The following HYAL3 variants were observed in gnomAD, a reference collection of about 807,000 sequenced individuals.
HYAL3 encodes the protein hyaluronidase 3.
In HYAL3, 25 loss-of-function variants were observed where a neutral mutation model predicts 29.6. The observed-to-expected ratio is 0.85, with a 90% confidence interval of 0.62 to 1.18. The LOEUF (loss-of-function observed/expected upper bound fraction) is 1.18. HYAL3 is among the 50% of genes most tolerant of loss of function. HYAL3 has a pLI of 0.00. For synonymous variants in HYAL3, 215 were observed against 218.3 expected (o/e 0.99, Z 0.13); for missense variants, 442 against 548.4 (o/e 0.81, Z 1.94).
Position 50,295,582 on chromosome 3 carries a change from T to C in HYAL3, c.21A>G (p.Pro7=), listed in dbSNP as rs1553710991. 1.3e-6 allele frequency: 2 copies of C among 1,552,424 alleles called. No homozygotes were observed. The highest frequency in any genetic ancestry group is 1.9e-5 in the Admixed American group (1 of 53,278). The stretch of plus-strand genomic sequence containing the variant: ...ACAGGGCCACCCCCAGCACCAGGGC[T>C]GGGCCCAGTTGCGTGGTCATTCCCC... MTTQLG[P]ALVLGVALCL... Residue 7 remains proline, a synonymous_variant, in exon 2 of 4, where the codon CCA becomes CCG. Transcript: ENST00000336307.
chr3:50,293,437 C>CCAT lies in HYAL3; in HGVS notation c.1060_1062dup (p.Met354dup), dbSNP rs1559805811. 1 of 1,613,734 alleles carries CCAT rather than the reference C, an allele frequency of 6.2e-7. No individual in the cohort carries two copies. Among genetic ancestry groups the CCAT allele is most frequent in the Non-Finnish European group, 8.5e-7 (1 of 1,180,026 alleles). On this transcript the variant is annotated inframe_insertion, in exon 4 of 4. Transcript: ENST00000336307. Reference sequence around the variant, plus strand: ...CCATGGCACCGCTGGTGACTGCAGGCCATCGCTGCCCTGGTCACATTGATC... The same window carrying CCAT: ...CCATGGCACCGCTGGTGACTGCAGGCCATCATCGCTGCCCTGGTCACATTGATC...
chr3:50,298,270 G>A (rs1553711730), intron 1 of HYAL3, among the ~76,000 whole-genome samples: 1 of 152,068 alleles, frequency 6.6e-6, no homozygotes, highest in East Asian at 1.9e-4. Context: ...AGTGGATCCT[G>A]GGGCCCCACT....
Position 50,295,113 on chromosome 3 carries a change from C to T in HYAL3, c.490G>A (p.Glu164Lys). Residue 164 changes from glutamate to lysine, a missense_variant, in exon 2 of 4, where the codon GAG (glutamate) becomes AAG (lysine). Physicochemically the swap from Glu to Lys is moderately conservative, Grantham distance 56 (BLOSUM62 1). Coordinates refer to ENST00000336307, the MANE Select transcript of HYAL3 (RefSeq NM_003549.4). ...QQVFPDLDPQ[E>K]QLYKAYTGFE... ...CCAGTATAGGCCTTGTAGAGCTGCT[C>T]CTGAGGGTCCAGGTCAGGGAATACC... 1 of 1,613,634 alleles carries T rather than the reference C, an allele frequency of 6.2e-7. No individual in the cohort carries two copies. Among genetic ancestry groups the T allele is most frequent in the Non-Finnish European group, 8.5e-7 (1 of 1,180,018 alleles).
At chr3:50,296,700 G>A (rs1559809786) in intron 1 of HYAL3, 1 of 1,613,802 alleles carries the variant, frequency 6.2e-7, no homozygotes, top group Non-Finnish European at 8.5e-7. Flanking sequence ...TGGAACTGGG[G>A]GTGAGATGGT....
Position 50,293,013 on chromosome 3 carries a change from ACT to A in HYAL3, c.*231_*232del. ...GGCAGCCCTAACTAGCTGGAACCTGACTCTCCCTGGAACTGCTTCCTTGCCAT... is the reference window on the plus strand; with the variant it reads ...GGCAGCCCTAACTAGCTGGAACCTGACTCCCTGGAACTGCTTCCTTGCCAT... On this transcript the variant is annotated 3_prime_UTR_variant, in exon 4 of 4. Coordinates refer to ENST00000336307, the MANE Select transcript of HYAL3 (RefSeq NM_003549.4). The A allele has an allele frequency of 1.3e-6, 2 of 1,515,878 alleles. No individual in the cohort carries two copies. Among genetic ancestry groups the A allele is most frequent in the Non-Finnish European group, 1.8e-6 (2 of 1,113,366 alleles). 93.9% of individuals were successfully genotyped at this position (1,515,878 alleles called of 1,614,324 possible). A position where few individuals can be genotyped will look rare whatever the true frequency, so the allele number is the denominator to read the frequency against.
In HYAL3 at chr3:50,292,998, A is replaced by C; in HGVS notation, c.*248T>G. ...ACAAAGCCCTAGGCTGGCAGCCCTA[A>C]CTAGCTGGAACCTGACTCTCCCTGG... On this transcript the variant is annotated 3_prime_UTR_variant, in exon 4 of 4. Transcript: ENST00000336307. 1 of 1,539,446 alleles carries C rather than the reference A, an allele frequency of 6.5e-7. No homozygotes were observed.
In HYAL3 at chr3:50,295,300, A is replaced by G. The variant is rs1553710889; in HGVS notation, c.303T>C (p.Leu101=). The change falls in exon 2 of 4, where the codon CTT becomes CTC. Residue 101 remains leucine, a synonymous_variant. Coordinates refer to ENST00000336307, the MANE Select transcript of HYAL3 (RefSeq NM_003549.4). ...AGGCAGCCAGTGCCAGGTGGCGGTC[A>G]AGGGGCAAAGCCTGGGGGATGCCCC... The part of the protein sequence containing the change: ...HNGGIPQALP[L]DRHLALAAYQ... The G allele has an allele frequency of 6.2e-7, 1 of 1,614,138 alleles. No homozygotes were observed. The highest frequency in any genetic ancestry group is 1.1e-5 in the South Asian group (1 of 91,090).
chr3:50,296,655 T>C, intron 1 of HYAL3: 3 of 1,613,804 alleles, frequency 1.9e-6, no homozygotes, highest in South Asian at 1.1e-5. Context: ...ATTTTGATAT[T>C]GTGTCTCCAG....
Position 50,297,475 on chromosome 3 carries a change from G to T in HYAL3, c.-18+1738C>A, listed in dbSNP as rs781793341. 1.3e-6 allele frequency: 2 copies of T among 1,585,182 alleles called. No homozygotes were observed. The highest frequency in any genetic ancestry group is 1.7e-6 in the Non-Finnish European group (2 of 1,163,216). ...AGGATCAGCTCCATCCGGTGTGTAG[G>T]GTCTAGTGTAGGGGTCAGCTTGGCT... On this transcript the variant is annotated intron_variant, in intron 1 of 3. Transcript: ENST00000336307. The surrounding 1 kb of genome is among the most constrained non-coding windows in gnomAD (Gnocchi z 4.3).
Position 50,296,341 on chromosome 3 carries a change from GGACC to G in HYAL3, c.-17-726_-17-723del, listed in dbSNP as rs1575500015. ...ATCTGGAGACTTCTGCAGGGATAAG[GGACC>G]TGCAGAAGAGGTGAGAGGTGAGGGT... On this transcript the variant is annotated intron_variant, in intron 1 of 3. Transcript: ENST00000336307. The G allele has an allele frequency of 1.5e-5, 8 of 518,028 alleles. No individual in the cohort carries two copies. In the East Asian group the frequency reaches 2.7e-4, roughly 17 times the overall value. 32.1% of individuals were successfully genotyped at this position (518,028 alleles called of 1,614,324 possible). A position where few individuals can be genotyped will look rare whatever the true frequency, so the allele number is the denominator to read the frequency against.
intron 2 of HYAL3, 141 bp from the exon 3 acceptor site, chr3:50,293,862 T>G (rs1701750921): frequency 5.2e-6 from 4 of 770,344 alleles, no homozygotes. Context: ...TGGTTTGGTT[T>G]TAGAGGCGGG....
intron 1 of HYAL3, 71 bp downstream of exon 1, chr3:50,299,142 G>A (rs370533099): frequency 1.2e-6 from 2 of 1,613,428 alleles, no homozygotes; most frequent in Non-Finnish European, 1.7e-6. Flanking sequence ...GTGCAGGGTG[G>A]CATGGCCACT....
At position 50,296,873 on chromosome 3, in the gene HYAL3, C is replaced by G. The variant is rs781941961; in HGVS notation, c.-17-1254G>C. ...CAGGCAGCCGTCTGCTGGTGAAGACCAGGCCCTGCACAGGCTCACCCAGCT... is the reference window on the plus strand; with the variant it reads ...CAGGCAGCCGTCTGCTGGTGAAGACGAGGCCCTGCACAGGCTCACCCAGCT... On this transcript the variant is annotated intron_variant, in intron 1 of 3. Transcript: ENST00000336307. 6.2e-6 allele frequency: 10 copies of G among 1,601,110 alleles called. No homozygotes were observed. In the South Asian group the frequency reaches 1.1e-4, roughly 18 times the overall value.
Position 50,293,297 on chromosome 3 carries a change from C to T in HYAL3, c.1203G>A (p.Trp401Ter). Reference protein sequence around the residue: ...KSFSCHCYWGWAGPTCQEPRP... With the variant: ...KSFSCHCYWG ...TGGGCTCCTGGCAGGTGGGGCCAGC[C>T]CAGCCCCAGTAACAGTGGCAGCTGA... Residue 401 changes from tryptophan (W) to a stop codon, truncating the protein, a stop_gained, in exon 4 of 4, where the codon TGG becomes TGA. Transcript: ENST00000336307. LOFTEE classifies it high-confidence loss of function. 6.2e-7 allele frequency: 1 copy of T among 1,613,320 alleles called. No individual in the cohort carries two copies. Among genetic ancestry groups the T allele is most frequent in the Non-Finnish European group, 8.5e-7 (1 of 1,180,012 alleles).
chr3:50,299,067 G>C, intron 1 of HYAL3, 146 bp downstream of exon 1: 2 of 1,599,876 alleles, frequency 1.3e-6, no homozygotes, highest in Non-Finnish European at 1.7e-6. Context: ...GACTTCGAGA[G>C]CTCGACTCTG....
At chr3:50,293,884 T>C (rs898066698) in intron 2 of HYAL3, among the ~76,000 whole-genome samples, 163 bp from the exon 3 acceptor site, 3 of 152,168 alleles carry the variant, frequency 2.0e-5, no homozygotes, top group African/African-American at 7.2e-5. Flanking sequence ...TTTTACTCTG[T>C]CATCCAGGCT....
Position 50,297,246 on chromosome 3 carries a change from T to C in HYAL3, c.-17-1627A>G, listed in dbSNP as rs1201456905. The C allele has an allele frequency of 1.9e-5, 30 of 1,611,344 alleles. No homozygotes were observed. Among genetic ancestry groups the C allele is most frequent in the Non-Finnish European group, 2.3e-5 (27 of 1,178,300 alleles). ...ATCATTGATGAGGTCAGCACAAGCATCCAGGAGCTCGGGTCGGCGGTGCAC... is the reference window on the plus strand; with the variant it reads ...ATCATTGATGAGGTCAGCACAAGCACCCAGGAGCTCGGGTCGGCGGTGCAC... On this transcript the variant is annotated intron_variant, in intron 1 of 3. Transcript: ENST00000336307. This position sits in a 1 kb window ranked among gnomAD's most constrained non-coding sequence, Gnocchi z 4.3.
At position 50,297,413 on chromosome 3, in the gene HYAL3, C is replaced by A. The variant is rs587730310; in HGVS notation, c.-17-1794G>T. ...AATCCAGGGGCAGCTTTGGCTGGCA[C>A]GCAGGATCCAGAGTCAGCTCAGCTG... is the stretch of plus-strand genomic sequence containing the variant. On this transcript the variant is annotated intron_variant, in intron 1 of 3. Coordinates refer to ENST00000336307, the MANE Select transcript of HYAL3 (RefSeq NM_003549.4). This position sits in a 1 kb window ranked among gnomAD's most constrained non-coding sequence, Gnocchi z 4.3. 6.2e-7 allele frequency: 1 copy of A among 1,613,200 alleles called. No individual in the cohort carries two copies. The highest frequency in any genetic ancestry group is 8.5e-7 in the Non-Finnish European group (1 of 1,179,582).
chr3:50,295,625 G>A lies in HYAL3; in HGVS notation c.-17-6C>T, dbSNP rs1701814760. Reference sequence around the variant, plus strand: ...CATTCCCCAAGGATGGAAACCTGCAGGAGAGAGGGGGGTGTAAGCTTAGAG... The same window carrying A: ...CATTCCCCAAGGATGGAAACCTGCAAGAGAGAGGGGGGTGTAAGCTTAGAG... On this transcript the variant is annotated splice_region_variant and splice_polypyrimidine_tract_variant and intron_variant, in intron 1 of 3. Transcript: ENST00000336307. 6.6e-7 allele frequency: 1 copy of A among 1,522,152 alleles called. No individual in the cohort carries two copies. Among genetic ancestry groups the A allele is most frequent in the Non-Finnish European group, 8.8e-7 (1 of 1,135,398 alleles). 94.3% of individuals were successfully genotyped at this position (1,522,152 alleles called of 1,614,324 possible).
Sources: gnomAD v4.1 joint callset for allele counts (sites outside exome capture counted in the v4.1 genomes callset) on GRCh38, gnomAD v4.1.1 for gene constraint, Gnocchi (gnomAD v3.1) non-coding constraint, MANE v1.5 for transcripts, NCBI Gene and HGNC (gene_info 2026-07-23, HGNC 2026-07-21) for gene names.